CTNNA2: variants seen among roughly 807,000 people sequenced by gnomAD.
CTNNA2 encodes the protein catenin alpha 2.
Under a neutral mutation model 101.0 loss-of-function variants are expected in CTNNA2, and 42 were observed. The observed-to-expected ratio is 0.42, with a 90% CI of 0.32 to 0.54. CTNNA2 has a LOEUF of 0.54. Ranked by LOEUF, CTNNA2 falls within the 20% of genes least tolerant of loss-of-function variation. The probability of loss-of-function intolerance (pLI) is 0.14; values close to 1 mark genes in which losing one functional copy is unlikely to be tolerated. For missense variants in CTNNA2, 871 were observed against 1,223.1 expected (o/e 0.71, Z 4.29); for synonymous variants, 450 against 456.4 (o/e 0.99, Z 0.18).
At chr2:80,330,925 G>A (rs2149262502) in intron 7 of CTNNA2, among the ~76,000 whole-genome samples, 1 of 152,088 alleles carries the variant, frequency 6.6e-6, no homozygotes, top group South Asian at 2.1e-4. Context: ...TAATATTTCA[G>A]ATTTGCCACA....
At chr2:80,002,017 C>A (rs942726347) in intron 7 of CTNNA2, among the ~76,000 whole-genome samples, 1 of 152,098 alleles carries the variant, frequency 6.6e-6, no homozygotes, top group East Asian at 1.9e-4. Context: ...ATCTCGTTAC[C>A]ACACACAGAA....
intron 1 of CTNNA2, among the ~76,000 whole-genome samples, chr2:79,516,571 A>G (rs1436620923): frequency 2.0e-5 from 3 of 152,214 alleles, no homozygotes; most frequent in Non-Finnish European, 4.4e-5. Flanking sequence ...GAGTACATAC[A>G]GTCAGAGTAA....
chr2:79,588,316 G>A (rs921464622), intron 1 of CTNNA2, among the ~76,000 whole-genome samples: 4 of 152,208 alleles, frequency 2.6e-5, no homozygotes, highest in African/African-American at 7.2e-5. Context: ...TCACTTGGAC[G>A]GAGCTTCAGT....
chr2:79,200,405 C>A (rs4853437), intron 2 of CTNNA2, among the ~76,000 whole-genome samples: 4 of 150,724 alleles, frequency 2.7e-5, no homozygotes, highest in Non-Finnish European at 5.9e-5. Context: ...AAAAATTAGA[C>A]AAAAAATCAG....
In CTNNA2 at chr2:80,302,384, T is replaced by C; in HGVS notation, c.1057-90827T>C. The C allele has an allele frequency of 6.2e-7, 1 of 1,614,256 alleles. No individual in the cohort carries two copies. Among genetic ancestry groups the C allele is most frequent in the Non-Finnish European group, 8.5e-7 (1 of 1,180,044 alleles). On this transcript the variant is annotated intron_variant, in intron 7 of 18. Coordinates refer to ENST00000402739, the MANE Select transcript of CTNNA2 (RefSeq NM_001282597.3). This position sits in a 1 kb window ranked among gnomAD's most constrained non-coding sequence, Gnocchi z 6.4. ...TTCCTGGGCAGACATGGCAGCCATC[T>C]GATGCATGGTCTGTTTCTGCTTTTG...
intron 7 of CTNNA2, among the ~76,000 whole-genome samples, chr2:80,375,879 A>G (rs2149341091): frequency 6.6e-6 from 1 of 151,942 alleles, no homozygotes; most frequent in South Asian, 2.1e-4. Context: ...TCAGACTTAT[A>G]GCTGGTTTTA....
At chr2:79,479,985 C>T (rs1025877800) in intron 4 of CTNNA2, among the ~76,000 whole-genome samples, 6 of 151,970 alleles carry the variant, frequency 3.9e-5, no homozygotes, top group Non-Finnish European at 2.9e-5. Context: ...TTATTTGGCT[C>T]ATGGTTTTGG....
At chr2:79,464,459 T>C (rs1670912462) in intron 4 of CTNNA2, among the ~76,000 whole-genome samples, 1 of 152,224 alleles carries the variant, frequency 6.6e-6, no homozygotes, top group Admixed American at 6.5e-5. Context: ...GGCATGTATC[T>C]TTATAGCAGC....
chr2:79,301,551 G>A (rs139231739), intron 2 of CTNNA2, among the ~76,000 whole-genome samples: 226 of 152,260 alleles, frequency 1.5e-3, no homozygotes, highest in Non-Finnish European at 2.3e-3. Flanking sequence ...ATGCTCCTAC[G>A]TTCGCTGCTA....
chr2:79,862,907 C>T (rs1044192894), intron 4 of CTNNA2, among the ~76,000 whole-genome samples: 9 of 152,268 alleles, frequency 5.9e-5, no homozygotes, highest in African/African-American at 2.2e-4. Flanking sequence ...TATTTTGGCT[C>T]ACCAAATTAA....
intron 2 of CTNNA2, among the ~76,000 whole-genome samples, chr2:79,705,618 C>T (rs2104779608): frequency 6.6e-6 from 1 of 152,282 alleles, no homozygotes; most frequent in South Asian, 2.1e-4. Flanking sequence ...TTCAAATACA[C>T]AGTTTATTTT....
chr2:80,205,592 A>C (rs1035145132), intron 7 of CTNNA2, among the ~76,000 whole-genome samples: 1 of 152,254 alleles, frequency 6.6e-6, no homozygotes, highest in African/African-American at 2.4e-5. Flanking sequence ...TATTTCAATC[A>C]GCAAATGACC....
rs1414736024 is a variant in CTNNA2, at chr2:80,419,481, C to T, written c.1170C>T (p.Asp390=). Residue 390 remains aspartate, a synonymous_variant, in exon 9 of 19, where the codon GAC becomes GAT. Transcript: ENST00000402739. ...AAGCAGTGATGGATCACATATCTGA[C>T]TCTTTCCTGGAAACCAATGTTCCTT... is the stretch of plus-strand genomic sequence containing the variant. The part of the protein sequence containing the change: ...LRKAVMDHIS[D]SFLETNVPLL... 1 of 1,613,176 alleles carries T rather than the reference C, an allele frequency of 6.2e-7. No individual in the cohort carries two copies. The highest frequency in any genetic ancestry group is 1.7e-5 in the Admixed American group (1 of 59,996).
intron 1 of CTNNA2, among the ~76,000 whole-genome samples, chr2:79,623,691 A>G (rs1345061004): frequency 6.6e-6 from 1 of 152,214 alleles, no homozygotes; most frequent in Admixed American, 6.5e-5. Context: ...CTATTTTAAG[A>G]AAGCATGCAA....
intron 7 of CTNNA2, among the ~76,000 whole-genome samples, chr2:80,113,731 T>G (rs1233784128): frequency 6.6e-6 from 1 of 152,230 alleles, no homozygotes; most frequent in Non-Finnish European, 1.5e-5. Context: ...AGTTATTGTT[T>G]TCTCATGGAC....
chr2:80,263,089 G>T (rs961119017), intron 7 of CTNNA2, among the ~76,000 whole-genome samples: 3 of 152,124 alleles, frequency 2.0e-5, no homozygotes, highest in Admixed American at 2.0e-4. Context: ...TGGGGCATGG[G>T]GGGTAGGGTG....
chr2:79,356,472 A>T (rs1251150276), intron 3 of CTNNA2, among the ~76,000 whole-genome samples: 1 of 152,172 alleles, frequency 6.6e-6, no homozygotes, highest in African/African-American at 2.4e-5. Context: ...CAACTTATTT[A>T]TTCATTCTTA....
chr2:80,221,355 G>C (rs1573433724), intron 7 of CTNNA2, among the ~76,000 whole-genome samples: 1 of 152,174 alleles, frequency 6.6e-6, no homozygotes, highest in East Asian at 1.9e-4. Flanking sequence ...CTGCAGTAGA[G>C]GGGTGTATGG....
At chr2:80,162,705 A>T in intron 7 of CTNNA2, 1 of 1,612,660 alleles carries the variant, frequency 6.2e-7, no homozygotes, top group Admixed American at 1.7e-5. Flanking sequence ...AGACTGATTA[A>T]AACTATGACT....
Sources: gnomAD v4.1 joint callset for allele counts (sites outside exome capture counted in the v4.1 genomes callset) on GRCh38, gnomAD v4.1.1 for gene constraint, Gnocchi (gnomAD v3.1) non-coding constraint, MANE v1.5 for transcripts, NCBI Gene and HGNC (gene_info 2026-07-23, HGNC 2026-07-21) for gene names.